FBXW7: variants seen among roughly 807,000 people sequenced by gnomAD.
FBXW7 encodes the protein F-box and WD repeat domain containing 7.
FBXW7 carries 11 observed loss-of-function variants against 86.3 expected under a neutral mutation model. That is an observed-to-expected ratio of 0.13 (90% CI 0.08 to 0.21). The LOEUF (loss-of-function observed/expected upper bound fraction) is 0.21. Among genes scored for constraint, FBXW7 ranks in the 10% least tolerant of loss-of-function variants. The pLI, the probability that FBXW7 is intolerant of heterozygous loss-of-function variation, is 1.00. For synonymous variants in FBXW7, 313 were observed against 297.9 expected, an observed-to-expected ratio of 1.05 and a Z score of -0.52; for missense variants, 488 against 847.4, an observed-to-expected ratio of 0.58 and a Z score of 5.27.
intron 2 of FBXW7, among the ~76,000 whole-genome samples, chr4:152,505,886 G>A (rs1029191406): frequency 2.0e-5 from 3 of 151,468 alleles, no homozygotes; most frequent in Non-Finnish European, 4.4e-5. Context: ...GATTACAGAC[G>A]TGCACCACCA....
intron 4 of FBXW7, among the ~76,000 whole-genome samples, chr4:152,379,156 A>G (rs951108272): frequency 5.3e-5 from 8 of 152,206 alleles, no homozygotes; most frequent in African/African-American, 1.7e-4. Flanking sequence ...TTATAATGTG[A>G]AAAAATAATG....
intron 2 of FBXW7, among the ~76,000 whole-genome samples, chr4:152,465,719 C>T (rs1743355179): frequency 6.6e-6 from 1 of 151,802 alleles, no homozygotes; most frequent in Non-Finnish European, 1.5e-5. Flanking sequence ...TGGCATGCGC[C>T]TATAATCCCA....
intron 2 of FBXW7, among the ~76,000 whole-genome samples, chr4:152,501,675 A>G (rs1362026499): frequency 6.6e-6 from 1 of 152,190 alleles, no homozygotes. Flanking sequence ...TTGCTAATCT[A>G]AAGTTTGTTG....
At chr4:152,325,915 T>A in intron 12 of FBXW7, 91 bp downstream of exon 12, 1 of 1,046,618 alleles carries the variant, frequency 9.6e-7, no homozygotes, top group Non-Finnish European at 1.5e-6. Flanking sequence ...TTTTGGACTG[T>A]ACTGGATCAG....
At chr4:152,511,883 A>AG (rs1748012522) in intron 2 of FBXW7, among the ~76,000 whole-genome samples, 1 of 152,160 alleles carries the variant, frequency 6.6e-6, no homozygotes, top group Non-Finnish European at 1.5e-5. Context: ...AGAATAAGTA[A>AG]AAATATTTCA....
chr4:152,437,863 T>C (rs2126971469), intron 2 of FBXW7, among the ~76,000 whole-genome samples: 1 of 152,278 alleles, frequency 6.6e-6, no homozygotes, highest in South Asian at 2.1e-4. Flanking sequence ...CAGGTGATTG[T>C]TAGCATTTTT....
chr4:152,477,101 G>C (rs1744480688), intron 2 of FBXW7, among the ~76,000 whole-genome samples: 1 of 150,906 alleles, frequency 6.6e-6, no homozygotes, highest in Non-Finnish European at 1.5e-5. Flanking sequence ...GCTACTGCTT[G>C]CTGCACTAAT....
intron 4 of FBXW7, among the ~76,000 whole-genome samples, chr4:152,392,980 T>G (rs1442552688): frequency 6.6e-6 from 1 of 152,194 alleles, no homozygotes; most frequent in Non-Finnish European, 1.5e-5. Flanking sequence ...TCAAACTCAC[T>G]TTTGGATTTC....
At chr4:152,407,359 A>T (rs373776551) in intron 4 of FBXW7, among the ~76,000 whole-genome samples, 1 of 152,208 alleles carries the variant, frequency 6.6e-6, no homozygotes, top group Admixed American at 6.5e-5. Flanking sequence ...AGTGGATGTT[A>T]TTCAAGATGA....
chr4:152,428,393 T>A (rs1739570460), intron 2 of FBXW7, among the ~76,000 whole-genome samples: 1 of 152,352 alleles, frequency 6.6e-6, no homozygotes, highest in South Asian at 2.1e-4. Flanking sequence ...CAAAATTTTT[T>A]ATTTCTAATA....
Position 152,337,893 on chromosome 4 carries a change from A to C in FBXW7, c.770T>G (p.Ile257Ser), listed in dbSNP as rs2126584991. 1 of 1,612,488 alleles carries C rather than the reference A, an allele frequency of 6.2e-7. No homozygotes were observed. Among genetic ancestry groups the C allele is most frequent in the Middle Eastern group, 1.7e-4 (1 of 6,050 alleles). The change falls in exon 7 of 14, where the codon ATT becomes AGT. Residue 257 changes from isoleucine to serine, a missense_variant. Transcript: ENST00000281708. ...TACTTGTGTTGGTTCACAACTATCA[A>C]TGAGTTCATCTAAAGCAAGCAATTT... ...PEKLLALDEL[I>S]DSCEPTQVKH...
intron 4 of FBXW7, among the ~76,000 whole-genome samples, chr4:152,386,967 C>T (rs1735577693): frequency 6.6e-6 from 1 of 152,160 alleles, no homozygotes; most frequent in Non-Finnish European, 1.5e-5. Context: ...CTCTGGATTT[C>T]CATCTTTTCT....
rs539623576 is a variant in FBXW7, at chr4:152,321,637, C to T, written c.*1244G>A. The T allele has an allele frequency of 4.3e-6, 1 of 233,150 alleles. No homozygotes were observed. The highest frequency in any genetic ancestry group is 2.2e-5 in the African/African-American group (1 of 45,436). 14.4% of individuals were successfully genotyped at this position (233,150 alleles called of 1,614,324 possible). A position where few individuals can be genotyped will look rare whatever the true frequency, so the allele number is the denominator to read the frequency against. ...TTGTCAGTTACTCAGAGCAATAAAA[C>T]TGTAACAGTTGTTTTCCCAAATACT... On this transcript the variant is annotated 3_prime_UTR_variant, in exon 14 of 14. Coordinates refer to ENST00000281708, the MANE Select transcript of FBXW7 (RefSeq NM_001349798.2).
intron 2 of FBXW7, among the ~76,000 whole-genome samples, chr4:152,515,515 T>G (rs866138939): frequency 3.3e-5 from 5 of 152,340 alleles, no homozygotes; most frequent in Middle Eastern, 3.4e-3. Flanking sequence ...TCATTCCCTG[T>G]ACACTTGCAA....
chr4:152,430,670 T>C (rs1739804443), intron 2 of FBXW7, among the ~76,000 whole-genome samples: 1 of 152,118 alleles, frequency 6.6e-6, no homozygotes, highest in African/African-American at 2.4e-5. Context: ...TAGGTTTGGC[T>C]TTTTCAGTCA....
chr4:152,406,165 T>G (rs1737404898), intron 4 of FBXW7, among the ~76,000 whole-genome samples: 1 of 152,374 alleles, frequency 6.6e-6, no homozygotes, highest in South Asian at 2.1e-4. Flanking sequence ...AGATAACTAT[T>G]TGTGATATTT....
chr4:152,332,441 GT>G (rs1468688120), intron 8 of FBXW7, among the ~76,000 whole-genome samples, 154 bp downstream of exon 8: 6 of 152,096 alleles, frequency 3.9e-5, no homozygotes, highest in African/African-American at 1.4e-4. Flanking sequence ...TGTTAAAGGG[GT>G]TAGCTGTTAA....
rs747469709 is a variant in FBXW7, at chr4:152,332,582, A to G, written c.985+14T>C. Reference sequence around the variant, plus strand: ...AAAGTATAAACATATTCTCTATGCAATTTTGAACCTTACCCTCTTCTTTGC... The same window carrying G: ...AAAGTATAAACATATTCTCTATGCAGTTTTGAACCTTACCCTCTTCTTTGC... On this transcript the variant is annotated intron_variant, in intron 8 of 13. Coordinates refer to ENST00000281708, the MANE Select transcript of FBXW7 (RefSeq NM_001349798.2). The G allele has an allele frequency of 1.5e-5, 24 of 1,563,114 alleles. No homozygotes were observed. Among genetic ancestry groups the G allele is most frequent in the South Asian group, 1.2e-4 (10 of 86,282 alleles).
At chr4:152,398,750 T>C (rs1736650164) in intron 4 of FBXW7, among the ~76,000 whole-genome samples, 1 of 152,074 alleles carries the variant, frequency 6.6e-6, no homozygotes, top group Non-Finnish European at 1.5e-5. Context: ...TAGAGATTAA[T>C]TAAATACACA....
Sources: gnomAD v4.1 joint callset for allele counts (sites outside exome capture counted in the v4.1 genomes callset) on GRCh38, gnomAD v4.1.1 for gene constraint, MANE v1.5 for transcripts, NCBI Gene and HGNC (gene_info 2026-07-23, HGNC 2026-07-21) for gene names.